Variants in DPY19L4 observed in about 807,000 individuals in gnomAD.
DPY19L4 encodes the protein dpy-19 like 4, also known as probable C-mannosyltransferase DPY19L4.
Under a neutral mutation model 102.8 loss-of-function variants are expected in DPY19L4, and 97 were observed. The ratio of observed to expected loss-of-function variants is 0.94; its 90% CI spans 0.80 to 1.12. The LOEUF (loss-of-function observed/expected upper bound fraction) is 1.12, where lower values mean the gene tolerates loss of function less well. DPY19L4 is among the 50% of genes most tolerant of loss of function. DPY19L4 has a pLI of 0.00. For missense variants in DPY19L4, 815 were observed against 850.4 expected (o/e 0.96, Z 0.52); for synonymous variants, 252 against 283.1 (o/e 0.89, Z 1.10).
At chr8:94,753,600 C>T (rs1026942010) in intron 6 of DPY19L4, among the ~76,000 whole-genome samples, 7 of 152,048 alleles carry the variant, frequency 4.6e-5, no homozygotes, top group African/African-American at 7.2e-5. Flanking sequence ...TAAGAAAGTG[C>T]GGTGGCTCAA....
intron 18 of DPY19L4, among the ~76,000 whole-genome samples, chr8:94,788,830 G>T (rs776276652): frequency 2.6e-5 from 4 of 152,192 alleles, no homozygotes; most frequent in Non-Finnish European, 2.9e-5. Context: ...TTGCAGCCAA[G>T]ATTTTTTCTG....
intron 9 of DPY19L4, 37 bp from the exon 10 acceptor site, chr8:94,765,674 A>T: frequency 3.5e-6 from 5 of 1,425,510 alleles, no homozygotes; most frequent in Non-Finnish European, 4.9e-6. Context: ...ATTTTTTAAC[A>T]CCTCACTTCT....
At chr8:94,768,574 A>G in intron 12 of DPY19L4, 21 bp downstream of exon 12, 30 of 1,298,058 alleles carry the variant, frequency 2.3e-5, no homozygotes, top group Non-Finnish European at 3.1e-5. Context: ...ATGAGAATCA[A>G]TCATATTACT....
At position 94,744,331 on chromosome 8, in the gene DPY19L4, G is replaced by T. The variant is rs777024723; in HGVS notation, c.611+4541G>T. 26 of 456,430 alleles carry T rather than the reference G, an allele frequency of 5.7e-5. 1 individual carries two copies. In the East Asian group the frequency reaches 1.1e-3, roughly 20 times the overall value. 28.3% of individuals were successfully genotyped at this position (456,430 alleles called of 1,614,324 possible). ...GGAGGCCTTAATTTCTTACATATGG[G>T]CCTCTCCATAGGGCAGCATGCAACT... On this transcript the variant is annotated intron_variant, in intron 6 of 18. Coordinates refer to ENST00000414645, the MANE Select transcript of DPY19L4 (RefSeq NM_181787.3).
At chr8:94,777,889 A>AG in intron 14 of DPY19L4, 103 bp downstream of exon 14, 1 of 1,331,968 alleles carries the variant, frequency 7.5e-7, no homozygotes, top group South Asian at 1.5e-5. Flanking sequence ...AGTAAATTAC[A>AG]TGATGACTTA....
chr8:94,753,383 T>C (rs1196668331), intron 6 of DPY19L4, among the ~76,000 whole-genome samples: 1 of 152,222 alleles, frequency 6.6e-6, no homozygotes, highest in Non-Finnish European at 1.5e-5. Context: ...ACGGAGATCC[T>C]TGATTTTTTA....
chr8:94,731,024 C>T (rs1375303307), intron 2 of DPY19L4, among the ~76,000 whole-genome samples: 10 of 139,698 alleles, frequency 7.2e-5, no homozygotes, highest in South Asian at 6.8e-4. Context: ...GGATTACAGG[C>T]GTGAGCCACC....
chr8:94,726,587 A>C, intron 2 of DPY19L4, 146 bp downstream of exon 2: 4 of 593,454 alleles, frequency 6.7e-6, no homozygotes, highest in Non-Finnish European at 1.1e-5. Context: ...CCCAAATCTC[A>C]CTGGCTTATG....
At chr8:94,736,115 A>G (rs1811178446) in intron 3 of DPY19L4, among the ~76,000 whole-genome samples, 1 of 152,148 alleles carries the variant, frequency 6.6e-6, no homozygotes, top group Admixed American at 6.6e-5. Context: ...AGCAGGGATC[A>G]TCTTGCTGCA....
intron 7 of DPY19L4, among the ~76,000 whole-genome samples, chr8:94,757,074 A>G (rs926191819): frequency 6.6e-6 from 1 of 152,112 alleles, no homozygotes; most frequent in Non-Finnish European, 1.5e-5. Context: ...TATAGAGGCA[A>G]CCAGTTATAT....
intron 6 of DPY19L4, chr8:94,744,561 G>A (rs1192839762): frequency 1.8e-5 from 8 of 456,128 alleles, no homozygotes; most frequent in Middle Eastern, 3.7e-4. Context: ...CATTGGGACC[G>A]TCTTGGAGGC....
intron 7 of DPY19L4, among the ~76,000 whole-genome samples, chr8:94,758,735 ATT>A (rs141349330): frequency 1.4e-5 from 2 of 145,470 alleles, no homozygotes; most frequent in Non-Finnish European, 3.0e-5. Flanking sequence ...TATTTTAGCA[ATT>A]TTTTTTTTTT....
chr8:94,753,960 T>G (rs1278360235), intron 6 of DPY19L4, among the ~76,000 whole-genome samples: 1 of 151,974 alleles, frequency 6.6e-6, no homozygotes, highest in Non-Finnish European at 1.5e-5. Context: ...GGCAGGCAGA[T>G]TGTTTGAACC....
intron 18 of DPY19L4, among the ~76,000 whole-genome samples, chr8:94,789,183 C>T (rs959107768): frequency 6.6e-6 from 1 of 152,174 alleles, no homozygotes; most frequent in South Asian, 2.1e-4. Context: ...CATGTCATGC[C>T]TGGCATGGAC....
intron 7 of DPY19L4, among the ~76,000 whole-genome samples, chr8:94,760,882 G>A (rs539784983): frequency 3.3e-5 from 5 of 152,238 alleles, no homozygotes; most frequent in African/African-American, 7.2e-5. Flanking sequence ...GCAGATTTTC[G>A]GCAAGGGCAA....
At position 94,765,449 on chromosome 8, in the gene DPY19L4, C is replaced by T. The variant is rs7816798; in HGVS notation, c.1002+135C>T. ...CTCCCGGGTTCAAGTGATTCTCCTG[C>T]CTCAGCCTCCCAAGTAGCTGGGATT... On this transcript the variant is annotated intron_variant, in intron 9 of 18. Transcript: ENST00000414645. 882 of 822,414 alleles carry T rather than the reference C, an allele frequency of 1.1e-3. 4 individuals carry two copies. In the African/African-American group the frequency reaches 0.013, roughly 13 times the overall value. The allele number at this position is 822,414 out of a possible 1,614,324, so 50.9% of individuals were successfully genotyped here.
intron 6 of DPY19L4, among the ~76,000 whole-genome samples, chr8:94,754,120 G>A (rs907121225): frequency 2.0e-5 from 3 of 152,182 alleles, no homozygotes; most frequent in African/African-American, 7.2e-5. Context: ...GGAGGTCGAG[G>A]CTGCAGTGAG....
chr8:94,768,746 C>T (rs1812789355), intron 12 of DPY19L4, among the ~76,000 whole-genome samples, 193 bp downstream of exon 12: 1 of 152,068 alleles, frequency 6.6e-6, no homozygotes, highest in Non-Finnish European at 1.5e-5. Context: ...ATAATCCCAG[C>T]ACTTTGGGAG....
chr8:94,728,138 T>C (rs1384469588), intron 2 of DPY19L4, among the ~76,000 whole-genome samples: 1 of 152,144 alleles, frequency 6.6e-6, no homozygotes, highest in Non-Finnish European at 1.5e-5. Context: ...ATTTTTGTAT[T>C]TTTAGTAGAA....
Sources: gnomAD v4.1 joint callset for allele counts (sites outside exome capture counted in the v4.1 genomes callset) on GRCh38, gnomAD v4.1.1 for gene constraint, MANE v1.5 for transcripts, NCBI Gene and HGNC (gene_info 2026-07-23, HGNC 2026-07-21) for gene names.